The following RND1 variants were observed in gnomAD, a reference collection of about 807,000 sequenced individuals.
The protein encoded by RND1 is rho-related GTP-binding protein Rho6.
Under a neutral mutation model 27.1 loss-of-function variants are expected in RND1, and 9 were observed. The observed-to-expected ratio is 0.33, with a 90% confidence interval of 0.20 to 0.58. RND1 has a LOEUF of 0.58. Ranked by LOEUF, RND1 falls within the 20% of genes least tolerant of loss-of-function variation. The probability of loss-of-function intolerance (pLI) is 0.86; values close to 1 mark genes in which losing one functional copy is unlikely to be tolerated. For synonymous variants in RND1, 108 were observed against 115.7 expected, an observed-to-expected ratio of 0.93 and a Z score of 0.43; for missense variants, 253 against 292.2, an observed-to-expected ratio of 0.87 and a Z score of 0.98.
Position 48,862,091 on chromosome 12 carries a change from G to T in RND1, c.236C>A (p.Pro79Gln). The T allele has an allele frequency of 6.2e-7, 1 of 1,612,622 alleles. No individual in the cohort carries two copies. Among genetic ancestry groups the T allele is most frequent in the Non-Finnish European group, 8.5e-7 (1 of 1,178,698 alleles). Reference sequence around the variant, plus strand: ...TGCATCCGAGTCGCTGTAGCAGAGTGGACGGACATTATCGTAGTAGGGAGA... The same window carrying T: ...TGCATCCGAGTCGCTGTAGCAGAGTTGACGGACATTATCGTAGTAGGGAGA... ...SGSPYYDNVRPLCYSDSDAVL... is the reference protein window; with the variant it reads ...SGSPYYDNVRQLCYSDSDAVL... Residue 79 changes from proline (P) to glutamine (Q), a missense_variant, in exon 3 of 5, where the codon CCA (proline) becomes CAA (glutamine). Coordinates refer to ENST00000309739, the MANE Select transcript of RND1 (RefSeq NM_014470.4).
intron 4 of RND1, among the ~76,000 whole-genome samples, chr12:48,860,388 C>T (rs968481358): frequency 6.6e-6 from 1 of 151,564 alleles, no homozygotes; most frequent in African/African-American, 2.4e-5. Flanking sequence ...CAGTGCCCCT[C>T]CTCCTTTTCT....
chr12:48,862,513 C>T (rs1332065447), intron 2 of RND1, among the ~76,000 whole-genome samples: 1 of 152,142 alleles, frequency 6.6e-6, no homozygotes, highest in African/African-American at 2.4e-5. Context: ...CTCCCTTCTG[C>T]TCCAGGGTCT....
chr12:48,861,527 C>T (rs1183710309), intron 3 of RND1, among the ~76,000 whole-genome samples: 1 of 152,210 alleles, frequency 6.6e-6, no homozygotes, highest in Non-Finnish European at 1.5e-5. Flanking sequence ...ATCCCAGCAT[C>T]TTCTATACTA....
At chr12:48,861,224 C>CA in intron 3 of RND1, 93 bp from the exon 4 acceptor site, 2 of 1,246,232 alleles carry the variant, frequency 1.6e-6, no homozygotes, top group Non-Finnish European at 2.3e-6. Context: ...CTGGCAACGT[C>CA]ACACACATCA....
rs921392067 is a variant in RND1, at chr12:48,865,819, C to G, written c.-52G>C. On this transcript the variant is annotated 5_prime_UTR_variant, in exon 1 of 5. Coordinates refer to ENST00000309739, the MANE Select transcript of RND1 (RefSeq NM_014470.4). ...TTCGATTCAGAAGGGAGGGTTGCGC[C>G]AGGTGCGTCTCAGCACGCCAATCAA... 1.3e-6 allele frequency: 2 copies of G among 1,538,906 alleles called. No individual in the cohort carries two copies. The highest frequency in any genetic ancestry group is 2.3e-5 in the East Asian group (1 of 43,286).
chr12:48,857,746 G>T lies in RND1; in HGVS notation c.*250C>A. ...AGCTTTCCTTCCTCTGGAGCGGGGG[G>T]GGCACTGGGGTAGTCGCCCCCTCCA... On this transcript the variant is annotated 3_prime_UTR_variant, in exon 5 of 5. Coordinates refer to ENST00000309739, the MANE Select transcript of RND1 (RefSeq NM_014470.4). 2.7e-6 allele frequency: 1 copy of T among 363,820 alleles called. No homozygotes were observed. The highest frequency in any genetic ancestry group is 5.5e-5 in the South Asian group (1 of 18,114). 22.5% of individuals were successfully genotyped at this position (363,820 alleles called of 1,614,324 possible). A position where few individuals can be genotyped will look rare whatever the true frequency, so the allele number is the denominator to read the frequency against.
intron 3 of RND1, 40 bp from the exon 4 acceptor site, chr12:48,861,171 A>G (rs748938377): frequency 7.0e-6 from 11 of 1,569,170 alleles, no homozygotes; most frequent in Non-Finnish European, 9.5e-6. Flanking sequence ...AGAAGGAGGA[A>G]GGAAGGAGAG....
intron 2 of RND1, among the ~76,000 whole-genome samples, chr12:48,863,202 C>T (rs1439507336): frequency 1.3e-5 from 2 of 152,228 alleles, no homozygotes; most frequent in African/African-American, 2.4e-5. Flanking sequence ...AGGGTCAACC[C>T]TGAGCCCAAC....
In RND1 at chr12:48,857,826, T is replaced by G. The variant is rs1227390306; in HGVS notation, c.*170A>C. The stretch of plus-strand genomic sequence containing the variant: ...GTTCTCTCTCAGCGTCAGGTCCTCA[T>G]GCCGGGCCTGGCTCCTTCCTCGCCC... On this transcript the variant is annotated 3_prime_UTR_variant, in exon 5 of 5. Coordinates refer to ENST00000309739, the MANE Select transcript of RND1 (RefSeq NM_014470.4). The G allele has an allele frequency of 5.7e-6, 4 of 707,204 alleles. No individual in the cohort carries two copies. The highest frequency in any genetic ancestry group is 6.5e-6 in the Non-Finnish European group (3 of 458,728). 43.8% of individuals were successfully genotyped at this position (707,204 alleles called of 1,614,324 possible).
chr12:48,862,833 T>C (rs1938933704), intron 2 of RND1, among the ~76,000 whole-genome samples: 1 of 152,096 alleles, frequency 6.6e-6, no homozygotes, highest in African/African-American at 2.4e-5. Context: ...GGGAGAATGC[T>C]AGGAGCTGAG....
At chr12:48,859,464 C>T (rs947313050) in intron 4 of RND1, among the ~76,000 whole-genome samples, 22 of 152,020 alleles carry the variant, frequency 1.4e-4, no homozygotes, top group African/African-American at 2.9e-4. Context: ...CTCTTGAACC[C>T]GGGAGGCAGA....
chr12:48,864,416 T>TGTGCGCGCGCGC (rs141121524), intron 2 of RND1, among the ~76,000 whole-genome samples: 2 of 135,460 alleles, frequency 1.5e-5, no homozygotes, highest in Non-Finnish European at 3.3e-5. Context: ...TGTGTGTGTG[T>TGTGCGCGCGCGC]GCGCGCGCGC....
chr12:48,858,496 A>C, intron 4 of RND1: 1 of 362,830 alleles, frequency 2.8e-6, no homozygotes, highest in African/African-American at 2.2e-5. Flanking sequence ...TTAAAACTAT[A>C]TTGATGCCAA....
intron 4 of RND1, among the ~76,000 whole-genome samples, chr12:48,860,463 C>A (rs1938905479): frequency 6.6e-6 from 1 of 151,882 alleles, no homozygotes; most frequent in Non-Finnish European, 1.5e-5. Flanking sequence ...ATCACAGCTC[C>A]TTGCAGCCTC....
chr12:48,857,272 A>G lies in RND1; in HGVS notation c.*724T>C, dbSNP rs547214126. 3.9e-5 allele frequency: 5 copies of G among 127,450 alleles called. No individual in the cohort carries two copies. In the South Asian group the frequency reaches 1.3e-3, roughly 32 times the overall value. 7.9% of individuals were successfully genotyped at this position (127,450 alleles called of 1,614,324 possible). On this transcript the variant is annotated 3_prime_UTR_variant, in exon 5 of 5. Transcript: ENST00000309739. ...GACAAGAGTCTATAAAACAAATGCC[A>G]GCTGTACTACCCTAAGGGCAGAAAA...
At chr12:48,865,040 C>T (rs1938969409) in intron 1 of RND1, among the ~76,000 whole-genome samples, 170 bp from the exon 2 acceptor site, 1 of 152,236 alleles carries the variant, frequency 6.6e-6, no homozygotes, top group African/African-American at 2.4e-5. Flanking sequence ...AGGCACTTTG[C>T]TCTGCAGCAG....
intron 2 of RND1, among the ~76,000 whole-genome samples, chr12:48,864,228 G>A (rs542709680): frequency 6.6e-6 from 1 of 152,272 alleles, no homozygotes; most frequent in South Asian, 2.1e-4. Context: ...CTGAGCTGCG[G>A]CAGGAGGACA....
At chr12:48,861,534 A>G (rs1418129041) in intron 3 of RND1, among the ~76,000 whole-genome samples, 2 of 152,170 alleles carry the variant, frequency 1.3e-5, no homozygotes, top group East Asian at 1.9e-4. Context: ...CATCTTCTAT[A>G]CTATGCTAGA....
At position 48,862,101 on chromosome 12, in the gene RND1, T is replaced by C. The variant is rs1411330184; in HGVS notation, c.226A>G (p.Asn76Asp). 1.9e-6 allele frequency: 3 copies of C among 1,610,576 alleles called. No homozygotes were observed. Among genetic ancestry groups the C allele is most frequent in the African/African-American group, 1.3e-5 (1 of 74,816 alleles). Residue 76 changes from asparagine to aspartate, a missense_variant, in exon 3 of 5, where the codon AAT becomes GAT. Physicochemically the swap from Asn to Asp is conservative, Grantham distance 23. Transcript: ENST00000309739. ...WDTSGSPYYD[N>D]VRPLCYSDSD... ...TCGCTGTAGCAGAGTGGACGGACAT[T>C]ATCGTAGTAGGGAGATCCTGGTGTA...
Sources: allele counts gnomAD v4.1 joint callset (sites outside exome capture counted in the v4.1 genomes callset), GRCh38; gene constraint gnomAD v4.1.1; transcripts MANE v1.5; gene names NCBI Gene and HGNC (gene_info 2026-07-23, HGNC 2026-07-21).